PTPRN2: variants seen among roughly 807,000 people sequenced by gnomAD.
PTPRN2 encodes the protein protein tyrosine phosphatase receptor type N2, also known as receptor-type tyrosine-protein phosphatase N2.
A neutral mutation model predicts 118.8 loss-of-function variants in PTPRN2; 74 were observed. The observed-to-expected ratio is 0.62, with a 90% CI of 0.52 to 0.76. The LOEUF is 0.76. Ranked by LOEUF, PTPRN2 falls within the 30% of genes least tolerant of loss-of-function variation. The probability of loss-of-function intolerance (pLI) is 0.00; values close to 1 mark genes in which losing one functional copy is unlikely to be tolerated. For missense variants in PTPRN2, 1,481 were observed against 1,394.4 expected (o/e 1.06, Z -0.99); for synonymous variants, 641 against 608.0 (o/e 1.05, Z -0.80).
intron 3 of PTPRN2, among the ~76,000 whole-genome samples, chr7:158,279,979 C>A (rs568035095): frequency 1.3e-5 from 2 of 152,126 alleles, no homozygotes; most frequent in Non-Finnish European, 2.9e-5. Context: ...TAATCCAGAG[C>A]CCCGGACGGC....
At chr7:158,399,955 G>A (rs1586576249) in intron 2 of PTPRN2, among the ~76,000 whole-genome samples, 1 of 152,154 alleles carries the variant, frequency 6.6e-6, no homozygotes, top group East Asian at 1.9e-4. Context: ...TGGGAGGGGC[G>A]GCGAGTCTGC....
At chr7:158,533,962 G>A (rs1825443926) in intron 1 of PTPRN2, among the ~76,000 whole-genome samples, 1 of 152,220 alleles carries the variant, frequency 6.6e-6, no homozygotes, top group East Asian at 1.9e-4. Flanking sequence ...AAGATGCAGG[G>A]GCTACCCTCC....
At chr7:157,766,637 T>C (rs1802506122) in intron 12 of PTPRN2, among the ~76,000 whole-genome samples, 2 of 152,332 alleles carry the variant, frequency 1.3e-5, no homozygotes, top group African/African-American at 4.8e-5. Flanking sequence ...CAAATGCCTG[T>C]GCTGCGGGTC....
At chr7:157,749,351 A>G (rs1176520140) in intron 12 of PTPRN2, among the ~76,000 whole-genome samples, 58 of 23,022 alleles carry the variant, frequency 2.5e-3, no homozygotes, top group African/African-American at 3.5e-3. Flanking sequence ...TCCCTGAGCT[A>G]CAGGCTGTTG....
chr7:158,311,058 C>T (rs1801685964), intron 3 of PTPRN2, among the ~76,000 whole-genome samples: 1 of 152,144 alleles, frequency 6.6e-6, no homozygotes, highest in African/African-American at 2.4e-5. Flanking sequence ...TCCAAGGGCC[C>T]AGGATGGGAG....
At chr7:157,771,702 C>T (rs1367673620) in intron 12 of PTPRN2, among the ~76,000 whole-genome samples, 2 of 152,010 alleles carry the variant, frequency 1.3e-5, no homozygotes, top group African/African-American at 4.8e-5. Context: ...CACACAAACA[C>T]ACAGACACAC....
At chr7:158,497,640 G>T (rs931205247) in intron 1 of PTPRN2, among the ~76,000 whole-genome samples, 1 of 152,226 alleles carries the variant, frequency 6.6e-6, no homozygotes, top group African/African-American at 2.4e-5. Flanking sequence ...AGGACTGCAC[G>T]GTGGCCTGGA....
intron 1 of PTPRN2, among the ~76,000 whole-genome samples, chr7:158,558,300 C>A (rs1181234420): frequency 6.6e-6 from 1 of 152,214 alleles, no homozygotes; most frequent in Non-Finnish European, 1.5e-5. Flanking sequence ...TAAAATAATT[C>A]TTACATAACA....
rs1797915077 is a variant in PTPRN2, at chr7:157,539,606, T to C, written c.*1108A>G. On this transcript the variant is annotated 3_prime_UTR_variant, in exon 23 of 23. Coordinates refer to ENST00000389418, the MANE Select transcript of PTPRN2 (RefSeq NM_002847.5). ...GTTTACATGATGTCAAAACACGTGG[T>C]TCATTAAGTGATCCCGGGAAGAGGG... 4 of 152,242 alleles carry C rather than the reference T, an allele frequency of 2.6e-5. No individual in the cohort carries two copies. The South Asian group carries it at 8.3e-4, about 32-fold the overall frequency. 9.4% of individuals were successfully genotyped at this position (152,242 alleles called of 1,614,324 possible). A position where few individuals can be genotyped will look rare whatever the true frequency, so the allele number is the denominator to read the frequency against.
intron 9 of PTPRN2, among the ~76,000 whole-genome samples, chr7:158,121,729 T>C (rs1817191654): frequency 6.6e-6 from 1 of 152,192 alleles, no homozygotes; most frequent in African/African-American, 2.4e-5. Flanking sequence ...CAGAATGTGT[T>C]TGTGAACCCG....
At chr7:158,335,773 A>G (rs1176818308) in intron 2 of PTPRN2, among the ~76,000 whole-genome samples, 4 of 6,530 alleles carry the variant, frequency 6.1e-4, no homozygotes, top group African/African-American at 1.7e-3. Flanking sequence ...ACCTGCAGAC[A>G]TCACTCACAC....
intron 11 of PTPRN2, among the ~76,000 whole-genome samples, chr7:158,010,746 A>G (rs1585196860): frequency 6.6e-6 from 1 of 152,256 alleles, no homozygotes; most frequent in African/African-American, 2.4e-5. Context: ...TTTTTAAAAA[A>G]GTATTGTTTA....
chr7:158,238,891 C>T (rs1795730862), intron 3 of PTPRN2, among the ~76,000 whole-genome samples: 1 of 152,164 alleles, frequency 6.6e-6, no homozygotes, highest in Non-Finnish European at 1.5e-5. Context: ...GAGGTGAGAG[C>T]AGAGGTGTGA....
rs11335302 is a variant in PTPRN2 at position 157,642,814 on chromosome 7, C to CAAAAAAAAAAAAAAAAAA, written c.2196+13525_2196+13542dup. ...AAGGGTCTACCAAGTCAAGAAACAG[C>CAAAAAAAAAAAAAAAAAA]AAAAAAAAAAAAAAAAAAAAAAAAA... On this transcript the variant is annotated intron_variant, in intron 14 of 22. Transcript: ENST00000389418. Among the ~76,000 whole-genome samples, 70 of 24,216 alleles carry CAAAAAAAAAAAAAAAAAA rather than the reference C, an allele frequency of 2.9e-3. 18 individuals are homozygous for CAAAAAAAAAAAAAAAAAA. Among genetic ancestry groups the CAAAAAAAAAAAAAAAAAA allele is most frequent in the East Asian group, 8.8e-3 (4 of 452 alleles). 15.9% of individuals were successfully genotyped at this position (24,216 alleles called of 152,430 possible).
intron 3 of PTPRN2, among the ~76,000 whole-genome samples, chr7:158,266,144 C>T (rs1306616721): frequency 8.0e-4 from 12 of 15,088 alleles, no homozygotes; most frequent in Admixed American, 3.8e-3. Flanking sequence ...AGGCTGGGGA[C>T]GGCGTCTGCT....
chr7:157,998,016 A>C (rs1156829987), intron 11 of PTPRN2, among the ~76,000 whole-genome samples: 1 of 54,562 alleles, frequency 1.8e-5, no homozygotes, highest in Non-Finnish European at 3.3e-5. Flanking sequence ...AGAGGAGAGG[A>C]GTGCAGGGTG....
chr7:157,987,658 G>C lies in PTPRN2; in HGVS notation c.1724-88921C>G, dbSNP rs1398026636. On this transcript the variant is annotated intron_variant, in intron 11 of 22. Transcript: ENST00000389418. The surrounding 1 kb of genome is among the most constrained non-coding windows in gnomAD (Gnocchi z 4.3). ...ACACTGGGTGAACAGTTGGAATACA[G>C]GTTCCTCGGGCCTGTCCTAAATGCT... is the stretch of plus-strand genomic sequence containing the variant. 6.6e-6 allele frequency among the ~76,000 whole-genome samples: 1 copy of C among 152,172 alleles called. No homozygotes were observed. Among genetic ancestry groups the C allele is most frequent in the Non-Finnish European group, 1.5e-5 (1 of 68,028 alleles).
intron 1 of PTPRN2, among the ~76,000 whole-genome samples, chr7:158,583,565 C>T (rs1828747329): frequency 1.3e-5 from 2 of 152,116 alleles, no homozygotes; most frequent in African/African-American, 2.4e-5. Flanking sequence ...TAACACACAG[C>T]TAAGCTCAGC....
chr7:157,792,331 C>T (rs1011232308), intron 12 of PTPRN2, among the ~76,000 whole-genome samples: 2 of 152,194 alleles, frequency 1.3e-5, no homozygotes, highest in Admixed American at 6.5e-5. Context: ...CCAGCCCAGC[C>T]CTGGGCCATC....
Sources: allele counts gnomAD v4.1 joint callset (sites outside exome capture counted in the v4.1 genomes callset), GRCh38; gene constraint gnomAD v4.1.1; non-coding constraint Gnocchi (gnomAD v3.1); transcripts MANE v1.5; gene names NCBI Gene and HGNC (gene_info 2026-07-23, HGNC 2026-07-21).